The following NAALAD2 variants were observed in gnomAD, a reference collection of about 807,000 sequenced individuals.
NAALAD2 encodes N-acetylated alpha-linked acidic dipeptidase 2.
NAALAD2 carries 89 observed loss-of-function variants against 95.6 expected under a neutral mutation model. That is an observed-to-expected ratio of 0.93 (90% CI 0.78 to 1.11). The LOEUF is 1.11. Among genes scored for constraint, NAALAD2 ranks in the 50% least tolerant of loss-of-function variants. NAALAD2 has a pLI of 0.00. For synonymous variants in NAALAD2, 264 were observed against 294.4 expected (o/e 0.90, Z 1.06); for missense variants, 894 against 872.4 (o/e 1.02, Z -0.31).
intron 6 of NAALAD2, 100 bp downstream of exon 6, chr11:90,152,584 A>T: frequency 1.3e-6 from 1 of 798,408 alleles, no homozygotes; most frequent in South Asian, 2.7e-5. Flanking sequence ...TTAAACTAAA[A>T]TTGAGTACAC....
At position 90,172,402 on chromosome 11, in the gene NAALAD2, C is replaced by T. The variant is rs572468108; in HGVS notation, c.1411-1422C>T. On this transcript the variant is annotated intron_variant, in intron 13 of 18. Coordinates refer to ENST00000534061, the MANE Select transcript of NAALAD2 (RefSeq NM_005467.4). ...ATGGCAGTGGATTCACCACTGTTACCTTCTACTTGAAGGCTGATGAGGGCT... is the reference window on the plus strand; with the variant it reads ...ATGGCAGTGGATTCACCACTGTTACTTTCTACTTGAAGGCTGATGAGGGCT... Among the ~76,000 whole-genome samples, 4 of 152,316 alleles carry T rather than the reference C, an allele frequency of 2.6e-5. No individual in the cohort carries two copies. In the South Asian group the frequency reaches 8.3e-4, roughly 32 times the overall value.
chr11:90,174,935 A>G (rs1483412602), intron 14 of NAALAD2, among the ~76,000 whole-genome samples: 1 of 152,096 alleles, frequency 6.6e-6, no homozygotes, highest in Non-Finnish European at 1.5e-5. Flanking sequence ...ACTTTGTTTC[A>G]TGCACAAAAT....
intron 6 of NAALAD2, among the ~76,000 whole-genome samples, chr11:90,154,572 G>A (rs187778096): frequency 2.0e-5 from 3 of 151,702 alleles, no homozygotes; most frequent in Admixed American, 1.3e-4. Context: ...CATAAGGGAT[G>A]TTAACCTGTA....
In NAALAD2 at chr11:90,191,722, C is replaced by A; in HGVS notation, c.2198C>A (p.Ala733Glu). 6.3e-7 allele frequency: 1 copy of A among 1,588,532 alleles called. No homozygotes were observed. The highest frequency in any genetic ancestry group is 8.6e-7 in the Non-Finnish European group (1 of 1,168,360). ...SIAAFTIQAA[A>E]GTLKEVL ...GCAGCTTTTACAATTCAAGCAGCAG[C>A]AGGAACTCTGAAAGAAGTATTATAG... The change falls in exon 19 of 19, where the codon GCA becomes GAA. Residue 733 changes from alanine (A) to glutamate (E), a missense_variant. By Grantham distance (107) the Ala-to-Glu change is moderately radical. Coordinates refer to ENST00000534061, the MANE Select transcript of NAALAD2 (RefSeq NM_005467.4).
intron 1 of NAALAD2, 27 bp downstream of exon 1, chr11:90,134,867 A>T (rs762069875): frequency 6.2e-7 from 1 of 1,606,854 alleles, no homozygotes; most frequent in South Asian, 1.1e-5. Context: ...CTCTACCCCG[A>T]CTCCGGGGCT....
At chr11:90,136,559 A>G (rs1951458153) in intron 2 of NAALAD2, among the ~76,000 whole-genome samples, 1 of 152,134 alleles carries the variant, frequency 6.6e-6, no homozygotes, top group East Asian at 1.9e-4. Context: ...TTTTGTATCT[A>G]GCTTCTTTTA....
intron 2 of NAALAD2, among the ~76,000 whole-genome samples, chr11:90,137,157 A>G (rs1951470884): frequency 6.7e-6 from 1 of 150,134 alleles, no homozygotes; most frequent in South Asian, 2.1e-4. Flanking sequence ...GCTAAAAAAA[A>G]ATTGATCTCA....
intron 8 of NAALAD2, among the ~76,000 whole-genome samples, chr11:90,160,999 A>G (rs1054893624): frequency 5.9e-5 from 9 of 152,236 alleles, no homozygotes; most frequent in African/African-American, 2.2e-4. Context: ...GCCACCAATG[A>G]GGACTAACTT....
At chr11:90,144,193 A>C (rs928888244) in intron 2 of NAALAD2, among the ~76,000 whole-genome samples, 2 of 152,214 alleles carry the variant, frequency 1.3e-5, no homozygotes, top group African/African-American at 2.4e-5. Flanking sequence ...GGAGCCCCCA[A>C]CTTTAATGAA....
At chr11:90,168,028 C>G (rs1191239180) in intron 11 of NAALAD2, among the ~76,000 whole-genome samples, 1 of 152,184 alleles carries the variant, frequency 6.6e-6, no homozygotes, top group Non-Finnish European at 1.5e-5. Context: ...AATATTGCTG[C>G]TGCTGACTCC....
chr11:90,135,026 A>C (rs959567172), intron 1 of NAALAD2, 186 bp downstream of exon 1: 1 of 598,532 alleles, frequency 1.7e-6, no homozygotes, highest in African/African-American at 1.9e-5. Flanking sequence ...GGGCTTGCTA[A>C]TAGATAAAGT....
At chr11:90,189,052 TGCA>T (rs1290658584) in intron 18 of NAALAD2, among the ~76,000 whole-genome samples, 1 of 152,254 alleles carries the variant, frequency 6.6e-6, no homozygotes, top group Non-Finnish European at 1.5e-5. Flanking sequence ...GTCCCAATGA[TGCA>T]GTCACAAGGG....
rs1278718029 is a variant in NAALAD2, at chr11:90,166,758, C to T, written c.1279-2171C>T. Among the ~76,000 whole-genome samples the T allele has an allele frequency of 4.0e-5, 6 of 151,706 alleles. No homozygotes were observed. In the East Asian group the frequency reaches 1.2e-3, roughly 29 times the overall value. ...GCTGAGGCAGGAGAATGGCGTGAAC[C>T]CGGGAGGTGGAGCTTGCAGTGAGCA... On this transcript the variant is annotated intron_variant, in intron 11 of 18. Transcript: ENST00000534061.
rs1201097054 is a variant in NAALAD2 at position 90,150,537 on chromosome 11, G to C, written c.539G>C (p.Arg180Thr). ...ACTGAAGACTTTTTCAAACTAGAAAGAGAGATGGGCATCAACTGTACTGGG... is the reference window on the plus strand; with the variant it reads ...ACTGAAGACTTTTTCAAACTAGAAACAGAGATGGGCATCAACTGTACTGGG... ...ARTEDFFKLE[R>T]EMGINCTGKI... is the part of the protein sequence containing the mutation. The change falls in exon 5 of 19, where the codon AGA (arginine) becomes ACA (threonine). Residue 180 changes from arginine (R) to threonine (T), a missense_variant. Coordinates refer to ENST00000534061, the MANE Select transcript of NAALAD2 (RefSeq NM_005467.4). The C allele has an allele frequency of 6.2e-7, 1 of 1,611,220 alleles. No homozygotes were observed. The highest frequency in any genetic ancestry group is 1.3e-5 in the African/African-American group (1 of 74,794).
At chr11:90,167,271 C>A (rs1952490815) in intron 11 of NAALAD2, among the ~76,000 whole-genome samples, 1 of 152,156 alleles carries the variant, frequency 6.6e-6, no homozygotes, top group Admixed American at 6.5e-5. Context: ...CTCAGCGGGC[C>A]CGCCCTCGGA....
At chr11:90,165,560 T>G (rs1732612268) in intron 11 of NAALAD2, among the ~76,000 whole-genome samples, 1 of 152,200 alleles carries the variant, frequency 6.6e-6, no homozygotes, top group African/African-American at 2.4e-5. Flanking sequence ...ATAATATGAA[T>G]TAAACAAATA....
rs189546116 is a variant in NAALAD2 at position 90,182,340 on chromosome 11, A to G, written c.1941-576A>G. ...CAGAATAAACTTTGCTACTTCCCAT[A>G]TTGGAAGAAAGCTATTATCAGTAGT... On this transcript the variant is annotated intron_variant, in intron 17 of 18. Transcript: ENST00000534061. Among the ~76,000 whole-genome samples the G allele has an allele frequency of 9.9e-3, 1,501 of 152,180 alleles. 48 individuals are homozygous for G. The highest frequency in any genetic ancestry group is 0.073 in the Admixed American group (1,120 of 15,264).
chr11:90,175,955 T>TGTGTG lies in NAALAD2; in HGVS notation c.1503-17_1503-16insGTGTG. On this transcript the variant is annotated splice_polypyrimidine_tract_variant and intron_variant, in intron 14 of 18. Transcript: ENST00000534061. ...GTGTGTGTGTGTGTGTGTGTGTGGATTGCATTCTACATCTAGAATCAATAA... is the reference window on the plus strand; with the variant it reads ...GTGTGTGTGTGTGTGTGTGTGTGGATGTGTGTGCATTCTACATCTAGAATCAATAA... 3 of 1,507,868 alleles carry TGTGTG rather than the reference T, an allele frequency of 2.0e-6. No homozygotes were observed. Among genetic ancestry groups the TGTGTG allele is most frequent in the Non-Finnish European group, 2.8e-6 (3 of 1,083,078 alleles). The allele number at this position is 1,507,868 out of a possible 1,614,324, so 93.4% of individuals were successfully genotyped here. A position where few individuals can be genotyped will look rare whatever the true frequency, so the allele number is the denominator to read the frequency against.
chr11:90,182,476 C>G (rs10741324), intron 17 of NAALAD2, among the ~76,000 whole-genome samples: 62,435 of 151,896 alleles, frequency 0.41, 13,148 homozygotes, highest in Admixed American at 0.49. Flanking sequence ...TTATGTGCAG[C>G]TATCTCTTAC....
Sources: gnomAD v4.1 joint callset for allele counts (sites outside exome capture counted in the v4.1 genomes callset) on GRCh38, gnomAD v4.1.1 for gene constraint, MANE v1.5 for transcripts, NCBI Gene and HGNC (gene_info 2026-07-23, HGNC 2026-07-21) for gene names.